CSMD1: variants seen among roughly 807,000 people sequenced by gnomAD.
The protein encoded by CSMD1 is CUB and sushi domain-containing protein 1.
Under a neutral mutation model 417.5 loss-of-function variants are expected in CSMD1, and 213 were observed. The ratio of observed to expected loss-of-function variants is 0.51; its 90% CI spans 0.46 to 0.57. CSMD1 has a LOEUF of 0.57. Among genes scored for constraint, CSMD1 ranks in the 20% least tolerant of loss-of-function variants. The probability of loss-of-function intolerance (pLI) is 0.00; values close to 1 mark genes in which losing one functional copy is unlikely to be tolerated. For synonymous variants in CSMD1, 2,862 were observed against 1,736.8 expected (o/e 1.65, Z -16.11); for missense variants, 6,923 against 4,529.7 (o/e 1.53, Z -15.17).
chr8:4,179,565 A>G (rs909119936), intron 3 of CSMD1, among the ~76,000 whole-genome samples: 7 of 151,180 alleles, frequency 4.6e-5, no homozygotes, highest in Admixed American at 4.6e-4. Context: ...AACAAAAGAC[A>G]AAATTGACAA....
chr8:3,302,772 T>C (rs1168093107), intron 25 of CSMD1, among the ~76,000 whole-genome samples: 2 of 152,230 alleles, frequency 1.3e-5, no homozygotes, highest in South Asian at 2.1e-4. Flanking sequence ...TTGTCCTTCA[T>C]GCACTTTCTC....
At chr8:4,344,040 GGTGT>G (rs1424155379) in intron 3 of CSMD1, among the ~76,000 whole-genome samples, 3 of 152,118 alleles carry the variant, frequency 2.0e-5, no homozygotes, top group African/African-American at 2.4e-5. Context: ...TATACAAATA[GGTGT>G]GTGTATGTGC....
At chr8:3,148,788 G>A (rs536210229) in intron 40 of CSMD1, among the ~76,000 whole-genome samples, 3 of 152,098 alleles carry the variant, frequency 2.0e-5, no homozygotes, top group South Asian at 4.1e-4. Flanking sequence ...AGGACACATC[G>A]CCACTCACAT....
At chr8:3,651,185 G>C (rs1411673239) in intron 7 of CSMD1, among the ~76,000 whole-genome samples, 2 of 152,134 alleles carry the variant, frequency 1.3e-5, no homozygotes, top group African/African-American at 2.4e-5. Context: ...CTGTTCCCTA[G>C]AATGTATTCT....
rs780931911 is a variant in CSMD1 at position 3,507,333 on chromosome 8, CTCA to C, written c.1345-13610_1345-13608del. On this transcript the variant is annotated intron_variant, in intron 10 of 69. Coordinates refer to ENST00000635120, the MANE Select transcript of CSMD1 (RefSeq NM_033225.6). Reference sequence around the variant, plus strand: ...TCCATGTCCCTAAAAAGGACATGAACTCATCATTTTTTATGGCAGCACAGTATT... The same window carrying C: ...TCCATGTCCCTAAAAAGGACATGAACTCATTTTTTATGGCAGCACAGTATT... 2.0e-4 allele frequency among the ~76,000 whole-genome samples: 31 copies of C among 152,222 alleles called. 1 individual carries two copies. Among genetic ancestry groups the C allele is most frequent in the Middle Eastern group, 6.8e-3 (2 of 294 alleles).
chr8:4,637,319 A>T (rs566086349), intron 2 of CSMD1, 23 bp downstream of exon 2: 3 of 1,526,714 alleles, frequency 2.0e-6, no homozygotes, highest in Non-Finnish European at 2.7e-6. Context: ...TGCTAACTGT[A>T]ATATAAAAAG....
At chr8:4,089,458 CAT>C (rs1054249617) in intron 3 of CSMD1, among the ~76,000 whole-genome samples, 3 of 152,072 alleles carry the variant, frequency 2.0e-5, no homozygotes, top group Admixed American at 1.3e-4. Flanking sequence ...TTGTGTCCTT[CAT>C]AGTTTTCAAA....
intron 11 of CSMD1, among the ~76,000 whole-genome samples, chr8:3,493,048 C>G (rs983559700): frequency 2.0e-5 from 3 of 152,088 alleles, no homozygotes; most frequent in Non-Finnish European, 4.4e-5. Context: ...ATCCCCAACA[C>G]TTTGGGAGGC....
chr8:3,924,267 T>C (rs1353641455), intron 5 of CSMD1, among the ~76,000 whole-genome samples: 1 of 152,222 alleles, frequency 6.6e-6, no homozygotes, highest in Admixed American at 6.5e-5. Context: ...ATACCTTATA[T>C]GTTGTAAACT....
intron 1 of CSMD1, among the ~76,000 whole-genome samples, chr8:4,839,418 C>T (rs1273005428): frequency 6.6e-6 from 1 of 152,148 alleles, no homozygotes; most frequent in African/African-American, 2.4e-5. Flanking sequence ...ACACATTCTA[C>T]TTTGTATTTC....
chr8:3,980,690 G>C (rs1352683689), intron 5 of CSMD1, among the ~76,000 whole-genome samples: 1 of 152,082 alleles, frequency 6.6e-6, no homozygotes, highest in Non-Finnish European at 1.5e-5. Flanking sequence ...TGAGAATCTG[G>C]AGAATTTAAA....
chr8:4,225,843 C>T (rs994185450), intron 3 of CSMD1, among the ~76,000 whole-genome samples: 4 of 151,906 alleles, frequency 2.6e-5, no homozygotes, highest in Admixed American at 6.6e-5. Context: ...ATATGATCAG[C>T]CTAAATGAAA....
intron 3 of CSMD1, among the ~76,000 whole-genome samples, chr8:4,237,047 A>G (rs1328446075): frequency 6.6e-6 from 1 of 152,196 alleles, no homozygotes; most frequent in African/African-American, 2.4e-5. Flanking sequence ...GTTGCCATGG[A>G]CAGATAACAA....
intron 1 of CSMD1, among the ~76,000 whole-genome samples, chr8:4,918,910 A>C (rs1052381861): frequency 1.3e-5 from 2 of 152,188 alleles, no homozygotes; most frequent in Non-Finnish European, 2.9e-5. Flanking sequence ...GTTTTAAAAA[A>C]AGTAGTAAAA....
chr8:3,673,675 T>C (rs938718132), intron 7 of CSMD1, among the ~76,000 whole-genome samples: 1 of 152,184 alleles, frequency 6.6e-6, no homozygotes, highest in South Asian at 2.1e-4. Flanking sequence ...GTGAGCTATT[T>C]TTAACTTACA....
intron 3 of CSMD1, among the ~76,000 whole-genome samples, chr8:4,071,327 G>C (rs1041941120): frequency 2.0e-5 from 3 of 151,636 alleles, no homozygotes; most frequent in African/African-American, 4.9e-5. Flanking sequence ...ATTTCCATTG[G>C]ACTAACATCA....
intron 1 of CSMD1, among the ~76,000 whole-genome samples, chr8:4,789,883 G>T (rs190374194): frequency 8.5e-5 from 13 of 152,234 alleles, no homozygotes; most frequent in African/African-American, 2.9e-4. Context: ...TTACAGACTT[G>T]CCTAAGTAAT....
At chr8:3,886,445 A>C (rs937620688) in intron 5 of CSMD1, among the ~76,000 whole-genome samples, 5 of 152,338 alleles carry the variant, frequency 3.3e-5, no homozygotes, top group African/African-American at 9.6e-5. Flanking sequence ...CATATTCTTT[A>C]CAAGGCCAGA....
chr8:4,762,776 C>G (rs113846782), intron 1 of CSMD1, among the ~76,000 whole-genome samples: 85 of 152,224 alleles, frequency 5.6e-4, no homozygotes, highest in African/African-American at 2.0e-3. Context: ...CCTCTGAGCT[C>G]TTTGAAATGA....
Sources: allele counts gnomAD v4.1 joint callset (sites outside exome capture counted in the v4.1 genomes callset), GRCh38; gene constraint gnomAD v4.1.1; transcripts MANE v1.5; gene names NCBI Gene and HGNC (gene_info 2026-07-23, HGNC 2026-07-21).